The following ERICH3 variants were observed in gnomAD, a reference collection of about 807,000 sequenced individuals.
ERICH3 encodes the protein glutamate rich 3.
In ERICH3, 126 loss-of-function variants were observed where a neutral mutation model predicts 131.1. The ratio of observed to expected loss-of-function variants is 0.96; its 90% CI spans 0.83 to 1.11. The LOEUF (loss-of-function observed/expected upper bound fraction) is 1.11. ERICH3 is among the 50% of genes most tolerant of loss of function. The pLI, the probability that ERICH3 is intolerant of heterozygous loss-of-function variation, is 0.00. For missense variants in ERICH3, 2,050 were observed against 1,810.7 expected, an observed-to-expected ratio of 1.13 and a Z score of -2.40; for synonymous variants, 695 against 644.6, an observed-to-expected ratio of 1.08 and a Z score of -1.18.
chr1:74,666,214 T>C (rs1646690807), intron 1 of ERICH3, among the ~76,000 whole-genome samples: 1 of 152,048 alleles, frequency 6.6e-6, no homozygotes, highest in Non-Finnish European at 1.5e-5. Context: ...AGTAACCTGC[T>C]CATCGACCAA....
At position 74,612,755 on chromosome 1, in the gene ERICH3, A is replaced by G. The variant is rs1234204312; in HGVS notation, c.1055T>C (p.Phe352Ser). The G allele has an allele frequency of 1.9e-6, 3 of 1,600,156 alleles. No individual in the cohort carries two copies. Among genetic ancestry groups the G allele is most frequent in the Non-Finnish European group, 2.6e-6 (3 of 1,169,056 alleles). The change falls in exon 9 of 15, where the codon TTT (phenylalanine) becomes TCT (serine). Residue 352 changes from phenylalanine (F) to serine (S), a missense_variant. Coordinates refer to ENST00000326665, the MANE Select transcript of ERICH3 (RefSeq NM_001002912.5). ...GTTCACCTGCATCCCATTCAGGAAA[A>G]AGGTGAGACTGAAGGGGAAACCATG... ...RHHGFPFSLT[F>S]FLNGMQVNRL...
At chr1:74,668,111 T>C (rs1646708718) in intron 1 of ERICH3, among the ~76,000 whole-genome samples, 1 of 152,196 alleles carries the variant, frequency 6.6e-6, no homozygotes, top group South Asian at 2.1e-4. Context: ...CTTTTTTCTT[T>C]ATAAATTACC....
In ERICH3 at chr1:74,620,771, T is replaced by C. The variant is rs1242296704; in HGVS notation, c.963A>G (p.Glu321=). The change falls in exon 8 of 15, where the codon GAA becomes GAG. Residue 321 remains glutamate (E), a synonymous_variant. Coordinates refer to ENST00000326665, the MANE Select transcript of ERICH3 (RefSeq NM_001002912.5). ...IKVYQQHCGG[E]NLCVYKGKLL... ...GTTTGCCTTTGTAGACACAAAGGTT[T>C]TCCCCACCACAGTGCTGCTGATAAA... The C allele has an allele frequency of 6.2e-7, 1 of 1,610,850 alleles. No homozygotes were observed.
intron 8 of ERICH3, among the ~76,000 whole-genome samples, chr1:74,615,575 A>G (rs190882391): frequency 5.5e-4 from 84 of 152,340 alleles, no homozygotes; most frequent in African/African-American, 1.9e-3. Context: ...TCAAAAAGAT[A>G]TCATTAAACA....
At chr1:74,581,157 T>C (rs1647170982) in intron 12 of ERICH3, among the ~76,000 whole-genome samples, 1 of 152,328 alleles carries the variant, frequency 6.6e-6, no homozygotes, top group Admixed American at 6.5e-5. Flanking sequence ...GCAGATGTTC[T>C]ACAACAAATT....
chr1:74,659,384 G>A (rs771272790), intron 1 of ERICH3, among the ~76,000 whole-genome samples: 2 of 152,216 alleles, frequency 1.3e-5, no homozygotes, highest in African/African-American at 2.4e-5. Flanking sequence ...AAAACCCCCC[G>A]TTGGAAAAAC....
At chr1:74,641,241 C>A in intron 5 of ERICH3, 90 bp downstream of exon 5, 1 of 1,424,452 alleles carries the variant, frequency 7.0e-7, no homozygotes, top group South Asian at 1.3e-5. Flanking sequence ...ATTACGGAGT[C>A]ATGCTCCCAG....
intron 11 of ERICH3, among the ~76,000 whole-genome samples, chr1:74,592,662 G>T (rs1647662952): frequency 6.6e-6 from 1 of 152,136 alleles, no homozygotes; most frequent in African/African-American, 2.4e-5. Flanking sequence ...AATATACTCT[G>T]GTTCAAGTTT....
chr1:74,615,694 G>T (rs1648924523), intron 8 of ERICH3, among the ~76,000 whole-genome samples: 1 of 152,116 alleles, frequency 6.6e-6, no homozygotes. Context: ...AAACTGAGAA[G>T]CATATATTCA....
intron 1 of ERICH3, among the ~76,000 whole-genome samples, chr1:74,669,064 G>C (rs912132646): frequency 2.6e-5 from 4 of 151,724 alleles, no homozygotes; most frequent in African/African-American, 9.7e-5. Context: ...GTCTCTCCTG[G>C]ATACACATAC....
chr1:74,611,733 A>G (rs1330460841), intron 9 of ERICH3, among the ~76,000 whole-genome samples: 3 of 152,132 alleles, frequency 2.0e-5, no homozygotes, highest in Admixed American at 6.6e-5. Context: ...CTATTTCAAG[A>G]AAGAAATTTT....
intron 5 of ERICH3, among the ~76,000 whole-genome samples, 161 bp from the exon 6 acceptor site, chr1:74,636,599 C>T (rs555375755): frequency 6.6e-6 from 1 of 152,178 alleles, no homozygotes; most frequent in East Asian, 1.9e-4. Context: ...CCTTATGACC[C>T]AAAGTATTTG....
chr1:74,673,844 T>G, upstream of ERICH3: 1 of 303,132 alleles, frequency 3.3e-6, no homozygotes, highest in Non-Finnish European at 5.9e-6. Flanking sequence ...CCCCTTTTTC[T>G]GGGCCCTGAT....
At chr1:74,651,584 G>T (rs1646535305) in intron 1 of ERICH3, among the ~76,000 whole-genome samples, 1 of 152,068 alleles carries the variant, frequency 6.6e-6, no homozygotes, top group Non-Finnish European at 1.5e-5. Flanking sequence ...ATTTCAGAAA[G>T]GTGAGCAGGT....
chr1:74,601,162 G>A (rs773494481), intron 10 of ERICH3, among the ~76,000 whole-genome samples: 3 of 151,798 alleles, frequency 2.0e-5, no homozygotes, highest in Non-Finnish European at 4.4e-5. Flanking sequence ...AAATAAGCAA[G>A]AAGATGAAGA....
rs1273156823 is a variant in ERICH3, at chr1:74,637,406, C to G, written c.445-968G>C. Among the ~76,000 whole-genome samples the G allele has an allele frequency of 3.9e-5, 6 of 152,140 alleles. No individual in the cohort carries two copies. The East Asian group carries it at 9.6e-4, about 24-fold the overall frequency. On this transcript the variant is annotated intron_variant, in intron 5 of 14. Coordinates refer to ENST00000326665, the MANE Select transcript of ERICH3 (RefSeq NM_001002912.5). ...GATATGCTGACCCTAGCATGCTTAG[C>G]ATCCCTAGTTGGTTTTCCTTAGCCC...
intron 12 of ERICH3, among the ~76,000 whole-genome samples, chr1:74,583,003 A>G (rs984086352): frequency 6.6e-6 from 1 of 152,008 alleles, no homozygotes; most frequent in Non-Finnish European, 1.5e-5. Context: ...AATTTTACAC[A>G]TCCTCTAGGC....
intron 12 of ERICH3, among the ~76,000 whole-genome samples, chr1:74,585,670 C>T (rs778068740): frequency 6.6e-6 from 1 of 152,022 alleles, no homozygotes; most frequent in African/African-American, 2.4e-5. Flanking sequence ...AAATACCATA[C>T]AAATGTGGGA....
At chr1:74,618,735 G>A (rs1649089018) in intron 8 of ERICH3, among the ~76,000 whole-genome samples, 1 of 152,116 alleles carries the variant, frequency 6.6e-6, no homozygotes, top group African/African-American at 2.4e-5. Flanking sequence ...AATTACCTGG[G>A]AATAAAGGAT....
Sources: gnomAD v4.1 joint callset for allele counts (sites outside exome capture counted in the v4.1 genomes callset) on GRCh38, gnomAD v4.1.1 for gene constraint, MANE v1.5 for transcripts, NCBI Gene and HGNC (gene_info 2026-07-23, HGNC 2026-07-21) for gene names.